The following GRAMD2B variants were observed in gnomAD, a reference collection of about 807,000 sequenced individuals.
The protein encoded by GRAMD2B is GRAM domain-containing protein 2B.
Under a neutral mutation model 59.2 loss-of-function variants are expected in GRAMD2B, and 41 were observed. That is an observed-to-expected ratio of 0.69 (90% confidence interval 0.54 to 0.90). The LOEUF is 0.90. Ranked by LOEUF, GRAMD2B falls within the 40% of genes least tolerant of loss-of-function variation. The pLI, the probability that GRAMD2B is intolerant of heterozygous loss-of-function variation, is 0.00. For missense variants in GRAMD2B, 424 were observed against 500.5 expected (o/e 0.85, Z 1.46); for synonymous variants, 161 against 182.7 (o/e 0.88, Z 0.96).
chr5:126,419,556 C>T (rs1759541678), upstream of GRAMD2B, among the ~76,000 whole-genome samples: 1 of 152,144 alleles, frequency 6.6e-6, no homozygotes, highest in Admixed American at 6.5e-5. Context: ...AATCTCCACT[C>T]AAGTCTCCAA....
intron 1 of GRAMD2B, chr5:126,434,090 A>T (rs1220496099): frequency 6.6e-6 from 1 of 152,210 alleles, no homozygotes; most frequent in Non-Finnish European, 1.5e-5. Context: ...CAGAAACAAG[A>T]TGTGACTATA....
intron 1 of GRAMD2B, among the ~76,000 whole-genome samples, chr5:126,416,325 GCTTA>G (rs942561691): frequency 6.6e-5 from 10 of 151,718 alleles, no homozygotes; most frequent in African/African-American, 2.4e-4. Context: ...TTTCTTTTTC[GCTTA>G]CTTCTTTTCT....
At chr5:126,448,423 G>A (rs371920209) in intron 1 of GRAMD2B, among the ~76,000 whole-genome samples, 2 of 152,090 alleles carry the variant, frequency 1.3e-5, no homozygotes, top group South Asian at 2.1e-4. Context: ...AGAAAGGGAG[G>A]CTTCACATTG....
At chr5:126,387,409 C>T (rs946902417) in intron 1 of GRAMD2B, among the ~76,000 whole-genome samples, 6 of 151,736 alleles carry the variant, frequency 4.0e-5, no homozygotes, top group African/African-American at 1.5e-4. Context: ...GAGAACTGTG[C>T]TTTGGCTTGG....
chr5:126,401,319 C>T (rs1305835582), intron 1 of GRAMD2B, among the ~76,000 whole-genome samples: 1 of 151,960 alleles, frequency 6.6e-6, no homozygotes, highest in East Asian at 1.9e-4. Flanking sequence ...TGCTGTTAAA[C>T]TTCTGATTTT....
chr5:126,482,178 G>T (rs942077697), intron 8 of GRAMD2B, among the ~76,000 whole-genome samples: 4 of 152,144 alleles, frequency 2.6e-5, no homozygotes, highest in African/African-American at 9.7e-5. Flanking sequence ...GGGTGAGGGA[G>T]AAATTGAGAG....
chr5:126,454,133 C>T (rs148217955), intron 1 of GRAMD2B, among the ~76,000 whole-genome samples: 2,491 of 152,140 alleles, frequency 0.016, 31 homozygotes, highest in Non-Finnish European at 0.025. Context: ...CAAGGTAAGA[C>T]GACCAACATG....
intron 12 of GRAMD2B, among the ~76,000 whole-genome samples, chr5:126,488,347 A>G (rs1035496178): frequency 6.6e-6 from 1 of 152,200 alleles, no homozygotes; most frequent in Non-Finnish European, 1.5e-5. Context: ...AGAAACTACA[A>G]AAGTCTCGTG....
intron 1 of GRAMD2B, among the ~76,000 whole-genome samples, chr5:126,456,126 GC>G (rs1766232167): frequency 6.6e-6 from 1 of 152,128 alleles, no homozygotes; most frequent in Non-Finnish European, 1.5e-5. Context: ...TTGTTTAAAT[GC>G]TTACCAAAAT....
upstream of GRAMD2B, among the ~76,000 whole-genome samples, chr5:126,419,041 C>A (rs532565714): frequency 2.0e-5 from 3 of 152,174 alleles, no homozygotes; most frequent in East Asian, 5.8e-4. Context: ...TGTGATGATA[C>A]TTACCTATAC....
At chr5:126,431,782 T>C (rs1038785143) in intron 1 of GRAMD2B, among the ~76,000 whole-genome samples, 1 of 150,238 alleles carries the variant, frequency 6.7e-6, no homozygotes, top group Non-Finnish European at 1.5e-5. Context: ...AGAAAAAAAA[T>C]TGGCTAATTT....
chr5:126,455,536 C>T (rs902556297), intron 1 of GRAMD2B, among the ~76,000 whole-genome samples: 1 of 152,106 alleles, frequency 6.6e-6, no homozygotes, highest in African/African-American at 2.4e-5. Flanking sequence ...ATCTCTGACT[C>T]CAAATTGTAT....
chr5:126,368,630 T>G (rs1327894533), upstream of GRAMD2B, among the ~76,000 whole-genome samples: 1 of 152,210 alleles, frequency 6.6e-6, no homozygotes, highest in Non-Finnish European at 1.5e-5. Context: ...AGCATTCCTT[T>G]GTTTACCACT....
At position 126,430,721 on chromosome 5, in the gene GRAMD2B, T is replaced by C. The variant is rs1034734351; in HGVS notation, c.83+7032T>C. ...AGAAAAAGAAAAGAAAGGGCTTTCA[T>C]GTAGCAAAAGAAACAAGATTGTAAG... On this transcript the variant is annotated intron_variant, in intron 1 of 13. Transcript: ENST00000285689. Among the ~76,000 whole-genome samples, 3 of 152,218 alleles carry C rather than the reference T, an allele frequency of 2.0e-5. No homozygotes were observed. The East Asian group carries it at 5.8e-4, about 29-fold the overall frequency.
intron 13 of GRAMD2B, among the ~76,000 whole-genome samples, chr5:126,491,155 A>T (rs1773855061): frequency 6.6e-6 from 1 of 151,930 alleles, no homozygotes; most frequent in African/African-American, 2.4e-5. Context: ...CTTTGTTTTA[A>T]TTTTGGGTTT....
intron 1 of GRAMD2B, among the ~76,000 whole-genome samples, chr5:126,400,319 C>T (rs1456782333): frequency 2.0e-5 from 3 of 152,018 alleles, no homozygotes; most frequent in Admixed American, 2.0e-4. Flanking sequence ...ATAATAACTC[C>T]AATTTCATAC....
chr5:126,371,594 C>G, intron 1 of GRAMD2B: 1 of 1,266,786 alleles, frequency 7.9e-7, no homozygotes, highest in Non-Finnish European at 1.0e-6. Context: ...CCTGGCCATC[C>G]ACGTCTGTCC....
chr5:126,449,657 CAG>C (rs1764971033), intron 1 of GRAMD2B, among the ~76,000 whole-genome samples: 1 of 152,164 alleles, frequency 6.6e-6, no homozygotes, highest in South Asian at 2.1e-4. Context: ...TTTAAAGTGA[CAG>C]TGTCTTTCTT....
At chr5:126,466,973 C>G (rs1768553106) in intron 2 of GRAMD2B, among the ~76,000 whole-genome samples, 1 of 152,158 alleles carries the variant, frequency 6.6e-6, no homozygotes, top group South Asian at 2.1e-4. Flanking sequence ...TCCCCTCTTG[C>G]TATCCAGAAA....
Sources: gnomAD v4.1 joint callset for allele counts (sites outside exome capture counted in the v4.1 genomes callset) on GRCh38, gnomAD v4.1.1 for gene constraint, MANE v1.5 for transcripts, NCBI Gene and HGNC (gene_info 2026-07-23, HGNC 2026-07-21) for gene names.